ELAVL3: variants seen among roughly 807,000 people sequenced by gnomAD.
ELAVL3 encodes ELAV like RNA binding protein 3, also known as ELAV-like protein 3.
ELAVL3 carries 8 observed loss-of-function variants against 34.2 expected under a neutral mutation model. The observed-to-expected ratio is 0.23, with a 90% confidence interval of 0.14 to 0.42. ELAVL3 has a LOEUF of 0.42. Among genes scored for constraint, ELAVL3 ranks in the 10% least tolerant of loss-of-function variants. The pLI is 1.00. For missense variants in ELAVL3, 273 were observed against 518.8 expected (o/e 0.53, Z 4.60); for synonymous variants, 209 against 222.1 (o/e 0.94, Z 0.53).
At chr19:11,479,992 C>T (rs932632973) in intron 1 of ELAVL3, among the ~76,000 whole-genome samples, 1 of 151,172 alleles carries the variant, frequency 6.6e-6, no homozygotes, top group East Asian at 2.0e-4. Context: ...CGCGAGGCTG[C>T]GGCCCGCGAA....
chr19:11,464,147 CTCTCTA>C (rs1419235107), intron 3 of ELAVL3, among the ~76,000 whole-genome samples: 3 of 104,104 alleles, frequency 2.9e-5, no homozygotes, highest in African/African-American at 5.6e-5. Flanking sequence ...CTCTCTCTCT[CTCTCTA>C]TATATATATA....
rs199826332 is a variant in ELAVL3, at chr19:11,466,297, T to C, written c.230-22A>G. The C allele has an allele frequency of 5.2e-5, 83 of 1,608,550 alleles. No individual in the cohort carries two copies. The African/African-American group carries it at 8.7e-4, about 17-fold the overall frequency. ...TGCCCTGTGGGCAGAACCAGAATGA[T>C]GACCTTCCCACCCAGCCTTGACACC... On this transcript the variant is annotated intron_variant, in intron 2 of 6. Coordinates refer to ENST00000359227, the MANE Select transcript of ELAVL3 (RefSeq NM_001420.4). This position sits in a 1 kb window ranked among gnomAD's most constrained non-coding sequence, Gnocchi z 5.0.
rs377200967 is a variant in ELAVL3, at chr19:11,469,527, G to A, written c.10-2700C>T. Among the ~76,000 whole-genome samples the A allele has an allele frequency of 5.3e-5, 8 of 151,922 alleles. No individual in the cohort carries two copies. The South Asian group carries it at 1.0e-3, about 20-fold the overall frequency. ...ACTCTTGACCTCAGGTGATCCACCC[G>A]CCTCAGCCTCCCAAAGTGCTGGGAT... On this transcript the variant is annotated intron_variant, in intron 1 of 6. Coordinates refer to ENST00000359227, the MANE Select transcript of ELAVL3 (RefSeq NM_001420.4).
intron 3 of ELAVL3, among the ~76,000 whole-genome samples, chr19:11,464,814 GCAC>G: frequency 6.1e-5 from 1 of 16,284 alleles, no homozygotes; most frequent in Non-Finnish European, 1.2e-4. Flanking sequence ...ACACACACAT[GCAC>G]CACACACACC....
At chr19:11,477,445 TTC>T (rs1032004384) in intron 1 of ELAVL3, among the ~76,000 whole-genome samples, 1 of 152,284 alleles carries the variant, frequency 6.6e-6, no homozygotes, top group African/African-American at 2.4e-5. Flanking sequence ...CGGCTAATTT[TTC>T]TCTTTTTCTG....
At chr19:11,464,850 TACACAACAC>T (rs1214318841) in intron 3 of ELAVL3, among the ~76,000 whole-genome samples, 1 of 58,268 alleles carries the variant, frequency 1.7e-5, no homozygotes, top group Non-Finnish European at 3.2e-5. Context: ...GACACACACA[TACACAACAC>T]ACACACCACA....
In ELAVL3 at chr19:11,451,446, C is replaced by T. The variant is rs998998272; in HGVS notation, c.*3080G>A. 1.4e-4 allele frequency: 21 copies of T among 145,072 alleles called. No individual in the cohort carries two copies. The highest frequency in any genetic ancestry group is 8.6e-4 in the South Asian group (4 of 4,646). 9.0% of individuals were successfully genotyped at this position (145,072 alleles called of 1,614,324 possible). A position where few individuals can be genotyped will look rare whatever the true frequency, so the allele number is the denominator to read the frequency against. On this transcript the variant is annotated 3_prime_UTR_variant, in exon 7 of 7. Coordinates refer to ENST00000359227, the MANE Select transcript of ELAVL3 (RefSeq NM_001420.4). ...GGTAATAAATAGTCTAAACGCAACG[C>T]GAAGTGTTCTTGTTGGGTTTTTTTT... is the stretch of plus-strand genomic sequence containing the variant.
chr19:11,454,909 AC>A lies in ELAVL3; in HGVS notation c.753-33del. The A allele has an allele frequency of 2.6e-6, 4 of 1,560,306 alleles. No homozygotes were observed. Among genetic ancestry groups the A allele is most frequent in the Middle Eastern group, 1.8e-4 (1 of 5,608 alleles). On this transcript the variant is annotated intron_variant, in intron 6 of 6. Transcript: ENST00000359227. This position sits in a 1 kb window ranked among gnomAD's most constrained non-coding sequence, Gnocchi z 9.2. ...TGGGGGTCACGCGGGCTCTGCCCTG[AC>A]CCCCCGCATGCTTCTGACCCCGTTG...
Position 11,458,726 on chromosome 19 carries a change from CAAT to C in ELAVL3, c.334-118_334-116del. 1 of 1,354,938 alleles carries C rather than the reference CAAT, an allele frequency of 7.4e-7. No individual in the cohort carries two copies. Among genetic ancestry groups the C allele is most frequent in the Non-Finnish European group, 1.0e-6 (1 of 982,972 alleles). 83.9% of individuals were successfully genotyped at this position (1,354,938 alleles called of 1,614,324 possible). On this transcript the variant is annotated intron_variant, in intron 3 of 6. Coordinates refer to ENST00000359227, the MANE Select transcript of ELAVL3 (RefSeq NM_001420.4). This position sits in a 1 kb window ranked among gnomAD's most constrained non-coding sequence, Gnocchi z 7.3. Reference sequence around the variant, plus strand: ...TAGCAGAAGTGACCCATCCGTCACTCAATAAGTATCTCTAGAGTTGTCACCGTG... The same window carrying C: ...TAGCAGAAGTGACCCATCCGTCACTCAAGTATCTCTAGAGTTGTCACCGTG...
At chr19:11,478,968 G>T (rs1971315193) in intron 1 of ELAVL3, among the ~76,000 whole-genome samples, 1 of 152,048 alleles carries the variant, frequency 6.6e-6, no homozygotes, top group South Asian at 2.1e-4. Context: ...GGTCCTCCTG[G>T]TCTTAATTTG....
In ELAVL3 at chr19:11,458,126, G is replaced by C; in HGVS notation, c.648C>G (p.Thr216=). The C allele has an allele frequency of 6.2e-7, 1 of 1,614,112 alleles. No individual in the cohort carries two copies. The highest frequency in any genetic ancestry group is 8.5e-7 in the Non-Finnish European group (1 of 1,180,034). Residue 216 remains threonine (T), a synonymous_variant, in exon 5 of 7, where the codon ACC becomes ACG. Transcript: ENST00000359227. This position sits in a 1 kb window ranked among gnomAD's most constrained non-coding sequence, Gnocchi z 7.3. Reference sequence around the variant, plus strand: ...GCCGGGCGGATGACTGGTAGAGGTGGGTGAGCAGCGCCTGCCCCGTCTTCT... The same window carrying C: ...GCCGGGCGGATGACTGGTAGAGGTGCGTGAGCAGCGCCTGCCCCGTCTTCT... ...PSQKTGQALL[T]HLYQSSARRY...
At chr19:11,457,218 G>GGCCCCCCC in intron 5 of ELAVL3, 70 bp from the exon 6 acceptor site, 1 of 1,468,678 alleles carries the variant, frequency 6.8e-7, no homozygotes. Context: ...CCGTCGGCCT[G>GGCCCCCCC]CCCTCCCCAC....
At chr19:11,472,599 G>C (rs1971185540) in intron 1 of ELAVL3, among the ~76,000 whole-genome samples, 1 of 151,610 alleles carries the variant, frequency 6.6e-6, no homozygotes, top group Admixed American at 6.6e-5. Flanking sequence ...TACTCAGGAT[G>C]GTGAGACAGG....
In ELAVL3 at chr19:11,462,783, A is replaced by AC. The variant is rs577209057; in HGVS notation, c.333+3388dup. ...AGACCAGCCTGACCAACATGCTGAA[A>AC]CCCCGTCTCTACTAAAAAAAATACA... is the stretch of plus-strand genomic sequence containing the variant. On this transcript the variant is annotated intron_variant, in intron 3 of 6. Transcript: ENST00000359227. 1.7e-3 allele frequency among the ~76,000 whole-genome samples: 257 copies of AC among 149,344 alleles called. 1 individual carries two copies. Among genetic ancestry groups the AC allele is most frequent in the African/African-American group, 6.1e-3 (248 of 40,448 alleles).
In ELAVL3 at chr19:11,454,744, C is replaced by T. The variant is rs140647234; in HGVS notation, c.886G>A (p.Asp296Asn). 1.5e-4 allele frequency: 235 copies of T among 1,614,076 alleles called. No individual in the cohort carries two copies. Among genetic ancestry groups the T allele is most frequent in the Non-Finnish European group, 1.7e-4 (203 of 1,180,018 alleles). The change falls in exon 7 of 7, where the codon GAC becomes AAC. Residue 296 changes from aspartate (D) to asparagine (N), a missense_variant. By Grantham distance (23) the Asp-to-Asn change is conservative. This residue lies in a region of ELAVL3 where 52 missense variants were observed against 119.6 expected (regional missense o/e 0.43). Coordinates refer to ENST00000359227, the MANE Select transcript of ELAVL3 (RefSeq NM_001420.4). This position sits in a 1 kb window ranked among gnomAD's most constrained non-coding sequence, Gnocchi z 9.2. ...AACAGCTGCCACAGCACGCTCTCGT[C>T]TGCCTCCGGTGACAGGTTGTACACG... Reference protein sequence around the residue: ...IFVYNLSPEADESVLWQLFGP... With the variant: ...IFVYNLSPEANESVLWQLFGP...
At chr19:11,471,065 C>T (rs532372141) in intron 1 of ELAVL3, among the ~76,000 whole-genome samples, 247 of 152,146 alleles carry the variant, frequency 1.6e-3, no homozygotes, top group Non-Finnish European at 3.0e-3. Flanking sequence ...GTAATCCCAG[C>T]ACTTTGGGAG....
At chr19:11,474,014 C>T (rs1431139877) in intron 1 of ELAVL3, among the ~76,000 whole-genome samples, 1 of 152,126 alleles carries the variant, frequency 6.6e-6, no homozygotes, top group East Asian at 1.9e-4. Flanking sequence ...ATCATCCGTA[C>T]CTCATAATAC....
rs544926982 is a variant in ELAVL3 at position 11,451,810 on chromosome 19, G to C, written c.*2716C>G. On this transcript the variant is annotated 3_prime_UTR_variant, in exon 7 of 7. Coordinates refer to ENST00000359227, the MANE Select transcript of ELAVL3 (RefSeq NM_001420.4). The stretch of plus-strand genomic sequence containing the variant: ...GGGGCCTAGGCCTCGGTGGGGGGGG[G>C]GTGTGTGGGGAGGTGCCCCCTCTCT... 6.6e-6 allele frequency: 1 copy of C among 151,924 alleles called. No individual in the cohort carries two copies. The highest frequency in any genetic ancestry group is 1.5e-5 in the Non-Finnish European group (1 of 67,926). The allele number at this position is 151,924 out of a possible 1,614,324, so 9.4% of individuals were successfully genotyped here.
chr19:11,479,953 C>A (rs1341053224), intron 1 of ELAVL3, among the ~76,000 whole-genome samples: 3 of 151,186 alleles, frequency 2.0e-5, no homozygotes. Flanking sequence ...CTCCTCTCCC[C>A]TCCCCCTCCC....
Sources: gnomAD v4.1 joint callset for allele counts (sites outside exome capture counted in the v4.1 genomes callset) on GRCh38, gnomAD v4.1.1 for gene constraint, gnomAD v4.1.1 regional missense constraint, Gnocchi (gnomAD v3.1) non-coding constraint, MANE v1.5 for transcripts, NCBI Gene and HGNC (gene_info 2026-07-23, HGNC 2026-07-21) for gene names.